NELL1: variants seen among roughly 807,000 people sequenced by gnomAD.
NELL1 encodes the protein neural EGFL like 1, also known as protein kinase C-binding protein NELL1.
A neutral mutation model predicts 107.4 loss-of-function variants in NELL1; 76 were observed. That is an observed-to-expected ratio of 0.71 (90% CI 0.59 to 0.86). The LOEUF is 0.86. NELL1 is among the 40% of genes least tolerant of loss of function. NELL1 has a pLI of 0.00. For missense variants in NELL1, 1,024 were observed against 1,005.5 expected, an observed-to-expected ratio of 1.02 and a Z score of -0.25; for synonymous variants, 353 against 341.2, an observed-to-expected ratio of 1.03 and a Z score of -0.38.
intron 10 of NELL1, among the ~76,000 whole-genome samples, chr11:20,944,244 A>AT (rs1850917123): frequency 6.6e-6 from 1 of 152,210 alleles, no homozygotes; most frequent in African/African-American, 2.4e-5. Flanking sequence ...TCCTGGGATC[A>AT]TTTTAAAGCT....
In NELL1 at chr11:20,794,176, T is replaced by C. The variant is rs151004095; in HGVS notation, c.335+10346T>C. ...CATGTATAATCTGTATCCCATTTCATTGAACAGTACTGGGAAATTCAGCCT... is the reference window on the plus strand; with the variant it reads ...CATGTATAATCTGTATCCCATTTCACTGAACAGTACTGGGAAATTCAGCCT... On this transcript the variant is annotated intron_variant, in intron 3 of 19. Coordinates refer to ENST00000357134, the MANE Select transcript of NELL1 (RefSeq NM_006157.5). 1.2e-4 allele frequency among the ~76,000 whole-genome samples: 18 copies of C among 152,298 alleles called. No homozygotes were observed. In the East Asian group the frequency reaches 3.1e-3, roughly 26 times the overall value.
chr11:20,735,783 G>T (rs77488152), intron 2 of NELL1, among the ~76,000 whole-genome samples: 1,845 of 152,338 alleles, frequency 0.012, 38 homozygotes, highest in African/African-American at 0.042. Context: ...GTGACAAAGA[G>T]CAGTAGCTGA....
chr11:20,983,783 C>CT (rs11433097), intron 12 of NELL1, among the ~76,000 whole-genome samples: 22,476 of 152,044 alleles, frequency 0.15, 2,099 homozygotes, highest in East Asian at 0.26. Flanking sequence ...ACAGAGTAAT[C>CT]TTTCACAATG....
At chr11:21,417,819 C>T (rs1000656913) in intron 15 of NELL1, among the ~76,000 whole-genome samples, 2 of 151,952 alleles carry the variant, frequency 1.3e-5, no homozygotes, top group African/African-American at 4.8e-5. Context: ...CCCTATTAGT[C>T]GCACCTCACA....
At chr11:21,144,721 G>A (rs992516106) in intron 13 of NELL1, among the ~76,000 whole-genome samples, 3 of 152,210 alleles carry the variant, frequency 2.0e-5, no homozygotes, top group African/African-American at 7.2e-5. Context: ...GCAGGTAGAA[G>A]ACACTGAATA....
intron 15 of NELL1, among the ~76,000 whole-genome samples, chr11:21,384,516 T>C (rs1011057865): frequency 2.6e-5 from 4 of 151,980 alleles, no homozygotes; most frequent in Admixed American, 6.6e-5. Context: ...TACATAGGTA[T>C]ACATGTGCCA....
At chr11:20,719,419 A>AAC (rs10609543) in intron 2 of NELL1, among the ~76,000 whole-genome samples, 99 of 151,228 alleles carry the variant, frequency 6.5e-4, no homozygotes, top group African/African-American at 2.3e-3. Flanking sequence ...TACTATTAAA[A>AAC]ACACACACAC....
chr11:21,150,009 T>A lies in NELL1; in HGVS notation c.1426+36295T>A, dbSNP rs139441485. 4.7e-3 allele frequency among the ~76,000 whole-genome samples: 709 copies of A among 152,100 alleles called. 4 individuals carry two copies. The highest frequency in any genetic ancestry group is 8.0e-3 in the Non-Finnish European group (545 of 67,998). On this transcript the variant is annotated intron_variant, in intron 13 of 19. Transcript: ENST00000357134. ...GAAGGCGGTGGCTTTTGAGTTGATA[T>A]CTGGAGAACTGGAAAGAAACAGCCG... is the stretch of plus-strand genomic sequence containing the variant.
intron 14 of NELL1, among the ~76,000 whole-genome samples, chr11:21,334,944 T>C (rs1850356971): frequency 6.6e-6 from 1 of 151,904 alleles, no homozygotes; most frequent in Admixed American, 6.6e-5. Flanking sequence ...TTAGCAAACA[T>C]GTTGTTTTGG....
intron 14 of NELL1, among the ~76,000 whole-genome samples, chr11:21,324,498 A>G (rs976656781): frequency 1.3e-5 from 2 of 152,064 alleles, no homozygotes; most frequent in African/African-American, 2.4e-5. Context: ...AGATACTGTG[A>G]TGCTGATACA....
chr11:21,371,804 A>G (rs551472352), intron 15 of NELL1, among the ~76,000 whole-genome samples: 3 of 152,238 alleles, frequency 2.0e-5, no homozygotes, highest in South Asian at 4.1e-4. Context: ...CCTTACTATT[A>G]CATGACGGGG....
chr11:20,961,465 T>C (rs942254325), intron 12 of NELL1, among the ~76,000 whole-genome samples: 1 of 152,160 alleles, frequency 6.6e-6, no homozygotes, highest in Non-Finnish European at 1.5e-5. Context: ...CCTTGCACCA[T>C]GATGATTTGG....
chr11:21,195,016 G>A (rs1193374040), intron 13 of NELL1, among the ~76,000 whole-genome samples: 2 of 151,980 alleles, frequency 1.3e-5, no homozygotes, highest in Admixed American at 1.3e-4. Context: ...TGTTATGCTG[G>A]GTTTAATTCT....
intron 12 of NELL1, among the ~76,000 whole-genome samples, chr11:20,963,283 C>T (rs996746290): frequency 3.3e-5 from 5 of 152,126 alleles, no homozygotes; most frequent in Admixed American, 3.3e-4. Flanking sequence ...ACCATAACCA[C>T]ATGCAGAAGA....
chr11:21,376,271 G>T (rs1590880539), intron 15 of NELL1, among the ~76,000 whole-genome samples: 1 of 152,064 alleles, frequency 6.6e-6, no homozygotes, highest in Non-Finnish European at 1.5e-5. Context: ...CATATGGCTA[G>T]CCAGCTATCT....
intron 4 of NELL1, among the ~76,000 whole-genome samples, chr11:20,858,109 G>C (rs1343757507): frequency 6.6e-6 from 1 of 152,142 alleles, no homozygotes; most frequent in East Asian, 1.9e-4. Context: ...AGCAAAGTGG[G>C]ACACCTACTT....
chr11:21,378,622 T>G (rs181997803), intron 15 of NELL1, among the ~76,000 whole-genome samples: 1 of 152,136 alleles, frequency 6.6e-6, no homozygotes, highest in Non-Finnish European at 1.5e-5. Context: ...AGGAAGATAG[T>G]ATACTTATCC....
chr11:21,170,173 C>G, intron 13 of NELL1: 1 of 615,168 alleles, frequency 1.6e-6, no homozygotes, highest in Non-Finnish European at 2.9e-6. Flanking sequence ...GTGATCTAAG[C>G]AGGTGAATTA....
chr11:21,411,985 C>T (rs2133811310), intron 15 of NELL1, among the ~76,000 whole-genome samples: 1 of 152,086 alleles, frequency 6.6e-6, no homozygotes, highest in South Asian at 2.1e-4. Context: ...TACATGGTAT[C>T]CTAGACTTTT....
Sources: gnomAD v4.1 joint callset for allele counts (sites outside exome capture counted in the v4.1 genomes callset) on GRCh38, gnomAD v4.1.1 for gene constraint, MANE v1.5 for transcripts, NCBI Gene and HGNC (gene_info 2026-07-23, HGNC 2026-07-21) for gene names.